TMEM165: variants seen among roughly 807,000 people sequenced by gnomAD.
TMEM165 encodes putative divalent cation/proton antiporter TMEM165.
TMEM165 carries 19 observed loss-of-function variants against 30.0 expected under a neutral mutation model. That is an observed-to-expected ratio of 0.63 (90% confidence interval 0.44 to 0.93). The LOEUF is 0.93. Among genes scored for constraint, TMEM165 ranks in the 40% least tolerant of loss-of-function variants. The pLI is 0.00. For synonymous variants in TMEM165, 168 were observed against 162.9 expected (o/e 1.03, Z -0.24); for missense variants, 340 against 417.0 (o/e 0.82, Z 1.61).
chr4:55,452,159 A>G (rs1421645647), intron 3 of TMEM165: 1 of 152,172 alleles, frequency 6.6e-6, no homozygotes, highest in Admixed American at 6.5e-5. Flanking sequence ...ATTTCCTTAT[A>G]TAATGCATAG....
Position 55,411,760 on chromosome 4 carries a change from C to T in TMEM165, c.354C>T (p.Ala118=), listed in dbSNP as rs1306795960. The T allele has an allele frequency of 6.2e-7, 1 of 1,614,184 alleles. No homozygotes were observed. Among genetic ancestry groups the T allele is most frequent in the Admixed American group, 1.7e-5 (1 of 60,024 alleles). ...GTGATAAGACATTTTTTATAGCAGCCATCATGGCAATGCGCTATAACCGCC... is the reference window on the plus strand; with the variant it reads ...GTGATAAGACATTTTTTATAGCAGCTATCATGGCAATGCGCTATAACCGCC... ...ELGDKTFFIA[A]IMAMRYNRLT... is the part of the protein sequence containing the mutation. The change falls in exon 2 of 6, where the codon GCC becomes GCT. Residue 118 remains alanine (A), a synonymous_variant. Coordinates refer to ENST00000381334, the MANE Select transcript of TMEM165 (RefSeq NM_018475.5).
In TMEM165 at chr4:55,417,241, TG is replaced by T. The variant is rs1721772586; in HGVS notation, c.604del (p.Glu202LysfsTer9). The T allele has an allele frequency of 6.2e-7, 1 of 1,611,974 alleles. No homozygotes were observed. Among genetic ancestry groups the T allele is most frequent in the African/African-American group, 1.3e-5 (1 of 74,778 alleles). On this transcript the variant is annotated frameshift_variant, in exon 3 of 6. Transcript: ENST00000381334. LOFTEE classifies it high-confidence loss of function. ...EVQAELKKKD[E>X]EFQRTKLLNG... The stretch of plus-strand genomic sequence containing the variant: ...TTCAAGCTGAATTAAAGAAGAAAGA[TG>T]AAGAAGTAAGCCATGGCACTGTTGA...
downstream of TMEM165, chr4:55,428,665 CAGT>C (rs1342209439): frequency 6.6e-6 from 1 of 152,006 alleles, no homozygotes; most frequent in African/African-American, 2.4e-5. Context: ...AAGAACCAAG[CAGT>C]AAGGACAGCA....
chr4:55,430,184 T>C (rs1468674677), downstream of TMEM165: 2 of 151,808 alleles, frequency 1.3e-5, no homozygotes, highest in African/African-American at 2.4e-5. Context: ...ACTAGTTTGA[T>C]TGTCACTTAA....
intron 3 of TMEM165, among the ~76,000 whole-genome samples, chr4:55,440,611 G>A (rs531807913): frequency 3.3e-5 from 5 of 152,238 alleles, no homozygotes; most frequent in African/African-American, 1.2e-4. Context: ...AATTAAAATT[G>A]TCCATATTAA....
rs1008257092 is a variant in TMEM165 at position 55,412,352 on chromosome 4, C to G, written c.433+513C>G. On this transcript the variant is annotated intron_variant, in intron 2 of 5. Coordinates refer to ENST00000381334, the MANE Select transcript of TMEM165 (RefSeq NM_018475.5). ...GAGGTTGCAGTGAGCTGAGATCGCG[C>G]CACTACACTCCAGCCTGGGTGATAG... is the stretch of plus-strand genomic sequence containing the variant. Among the ~76,000 whole-genome samples the G allele has an allele frequency of 2.9e-4, 37 of 126,160 alleles. 1 individual carries two copies. Among genetic ancestry groups the G allele is most frequent in the Admixed American group, 2.6e-3 (25 of 9,762 alleles). 82.8% of individuals were successfully genotyped at this position (126,160 alleles called of 152,430 possible).
chr4:55,449,415 C>T, intron 3 of TMEM165: 2 of 1,613,832 alleles, frequency 1.2e-6, no homozygotes, highest in Non-Finnish European at 1.7e-6. Flanking sequence ...AAATGATGAC[C>T]TTCTTTGCAC....
chr4:55,418,007 A>T, intron 4 of TMEM165, 22 bp downstream of exon 4: 1 of 1,580,754 alleles, frequency 6.3e-7, no homozygotes, highest in Non-Finnish European at 8.6e-7. Context: ...TTGAGAGGAG[A>T]CTGTTTAAAA....
In TMEM165 at chr4:55,411,706, C is replaced by G. The variant is rs778324110; in HGVS notation, c.300C>G (p.Ala100=). The G allele has an allele frequency of 6.2e-7, 1 of 1,614,104 alleles. No homozygotes were observed. The highest frequency in any genetic ancestry group is 1.3e-5 in the African/African-American group (1 of 75,008). ...NLGFIHAFVA[A]ISVIIVSELG... Reference sequence around the variant, plus strand: ...GATTTATCCATGCATTTGTCGCTGCCATATCAGTTATTATTGTATCTGAAT... The same window carrying G: ...GATTTATCCATGCATTTGTCGCTGCGATATCAGTTATTATTGTATCTGAAT... Residue 100 remains alanine, a synonymous_variant, in exon 2 of 6, where the codon GCC becomes GCG. Transcript: ENST00000381334.
chr4:55,427,254 T>C (rs1330839195), downstream of TMEM165, among the ~76,000 whole-genome samples: 1 of 151,816 alleles, frequency 6.6e-6, no homozygotes, highest in African/African-American at 2.4e-5. Context: ...GCCAGGCTGG[T>C]CTCGAACTCC....
chr4:55,416,977 C>G (rs1218233628), intron 2 of TMEM165, 95 bp from the exon 3 acceptor site: 1 of 1,116,212 alleles, frequency 9.0e-7, no homozygotes, highest in Non-Finnish European at 1.3e-6. Flanking sequence ...AACCATTTTT[C>G]TTTTAACAGT....
chr4:55,426,923 T>A (rs1722227054), downstream of TMEM165, among the ~76,000 whole-genome samples: 2 of 152,188 alleles, frequency 1.3e-5, no homozygotes, highest in Admixed American at 6.5e-5. Flanking sequence ...ATAGGAAGTA[T>A]CAAAGGGTAG....
At chr4:55,438,203 CA>C in intron 3 of TMEM165, 1 of 1,522,014 alleles carries the variant, frequency 6.6e-7, no homozygotes, top group Non-Finnish European at 9.1e-7. Context: ...ACATCACTCA[CA>C]AATCTGTTCA....
At chr4:55,408,156 G>A (rs1327610771) in intron 1 of TMEM165, among the ~76,000 whole-genome samples, 2 of 152,104 alleles carry the variant, frequency 1.3e-5, no homozygotes, top group African/African-American at 4.8e-5. Flanking sequence ...CTATCTTCAC[G>A]GTACCCCGAT....
At chr4:55,427,680 G>A (rs572111955), downstream of TMEM165, among the ~76,000 whole-genome samples, 6 of 152,240 alleles carry the variant, frequency 3.9e-5, no homozygotes, top group African/African-American at 1.4e-4. Context: ...ACAATTCCTC[G>A]TAGGGAGTAG....
intron 1 of TMEM165, among the ~76,000 whole-genome samples, chr4:55,404,933 A>C (rs560366643): frequency 6.6e-6 from 1 of 152,322 alleles, no homozygotes; most frequent in Admixed American, 6.5e-5. Flanking sequence ...TTGAGTATCA[A>C]ATGCAACAAT....
chr4:55,424,653 G>A lies in TMEM165; in HGVS notation c.898+10G>A. 6.6e-7 allele frequency: 1 copy of A among 1,505,862 alleles called. No individual in the cohort carries two copies. The highest frequency in any genetic ancestry group is 9.2e-7 in the Non-Finnish European group (1 of 1,081,234). 93.3% of individuals were successfully genotyped at this position (1,505,862 alleles called of 1,614,324 possible). ...ATCTCTGTCAGAACTGGTAAGTCTT[G>A]AAAATTACAAATCAGATAACATTTT... On this transcript the variant is annotated intron_variant, in intron 5 of 5. Coordinates refer to ENST00000381334, the MANE Select transcript of TMEM165 (RefSeq NM_018475.5).
intron 1 of TMEM165, among the ~76,000 whole-genome samples, chr4:55,400,180 A>T (rs1159207631): frequency 8.3e-6 from 1 of 119,896 alleles, no homozygotes; most frequent in African/African-American, 3.6e-5. Context: ...TAATATATAT[A>T]AAAAATAATA....
intron 3 of TMEM165, among the ~76,000 whole-genome samples, chr4:55,444,085 T>C (rs1314189879): frequency 6.6e-6 from 1 of 152,222 alleles, no homozygotes; most frequent in Non-Finnish European, 1.5e-5. Context: ...CTTTCAGTTA[T>C]CTTGTTTCCA....
Sources: gnomAD v4.1 joint callset for allele counts (sites outside exome capture counted in the v4.1 genomes callset) on GRCh38, gnomAD v4.1.1 for gene constraint, MANE v1.5 for transcripts, NCBI Gene and HGNC (gene_info 2026-07-23, HGNC 2026-07-21) for gene names.